ACTN4: variants seen among roughly 807,000 people sequenced by gnomAD.
The protein encoded by ACTN4 is alpha-actinin-4.
In ACTN4, 18 loss-of-function variants were observed where a neutral mutation model predicts 114.2. The observed-to-expected ratio is 0.16, with a 90% CI of 0.11 to 0.23. The LOEUF (loss-of-function observed/expected upper bound fraction) is 0.23, where lower values mean the gene tolerates loss of function less well. Ranked by LOEUF, ACTN4 falls within the 10% of genes least tolerant of loss-of-function variation. The pLI is 1.00. For missense variants in ACTN4, 722 were observed against 1,262.9 expected (o/e 0.57, Z 6.49); for synonymous variants, 515 against 506.3 (o/e 1.02, Z -0.23).
Position 38,731,041 on chromosome 19 carries a change from G to A in ACTN4, c.*1609G>A, listed in dbSNP as rs968530970. On this transcript the variant is annotated 3_prime_UTR_variant, in exon 21 of 21. Coordinates refer to ENST00000252699, the MANE Select transcript of ACTN4 (RefSeq NM_004924.6). Reference sequence around the variant, plus strand: ...GCAGTGGCCTGTGCAGAGAGGGGCAGGGTGAGTGCCCACCAGTCCCCGTAC... The same window carrying A: ...GCAGTGGCCTGTGCAGAGAGGGGCAAGGTGAGTGCCCACCAGTCCCCGTAC... The A allele has an allele frequency of 7.7e-6, 12 of 1,557,380 alleles. No homozygotes were observed. The highest frequency in any genetic ancestry group is 6.8e-5 in the African/African-American group (5 of 73,390).
intron 9 of ACTN4, among the ~76,000 whole-genome samples, chr19:38,716,761 C>T (rs1321629325): frequency 1.3e-5 from 2 of 152,180 alleles, no homozygotes; most frequent in African/African-American, 4.8e-5. Flanking sequence ...GGCTTCAGCC[C>T]GGGAGGTTGC....
intron 1 of ACTN4, among the ~76,000 whole-genome samples, chr19:38,699,423 C>G (rs1968196353): frequency 6.6e-6 from 1 of 152,206 alleles, no homozygotes; most frequent in African/African-American, 2.4e-5. Context: ...CTCCCACTTG[C>G]CTTCCAGCCT....
chr19:38,728,444 C>G (rs1485143064), intron 19 of ACTN4: 13 of 1,087,736 alleles, frequency 1.2e-5, no homozygotes, highest in Non-Finnish European at 1.5e-5. Flanking sequence ...CCTCCTCCTC[C>G]TCCTCCCCCC....
Position 38,730,679 on chromosome 19 carries a change from G to C in ACTN4, c.*1247G>C. On this transcript the variant is annotated 3_prime_UTR_variant, in exon 21 of 21. Transcript: ENST00000252699. ...AAGGGCTGTCGCTGTTCTTGTTTCT[G>C]AGTGAGGAGTACGCAGGCCAGAGTG... The C allele has an allele frequency of 1.4e-6, 1 of 706,868 alleles. No homozygotes were observed. Among genetic ancestry groups the C allele is most frequent in the Non-Finnish European group, 2.4e-6 (1 of 419,620 alleles). The allele number at this position is 706,868 out of a possible 1,614,324, so 43.8% of individuals were successfully genotyped here.
Position 38,730,116 on chromosome 19 carries a change from A to T in ACTN4, c.*684A>T, listed in dbSNP as rs1870921701. The T allele has an allele frequency of 6.8e-6, 1 of 146,842 alleles. No homozygotes were observed. Among genetic ancestry groups the T allele is most frequent in the Admixed American group, 6.8e-5 (1 of 14,778 alleles). 9.1% of individuals were successfully genotyped at this position (146,842 alleles called of 1,614,324 possible). A position where few individuals can be genotyped will look rare whatever the true frequency, so the allele number is the denominator to read the frequency against. On this transcript the variant is annotated 3_prime_UTR_variant, in exon 21 of 21. Coordinates refer to ENST00000252699, the MANE Select transcript of ACTN4 (RefSeq NM_004924.6). ...AAAAAAAAAAAAGGAAAAAAAACACAAAACAACAAAAACCAAAAAAAAAAA... is the reference window on the plus strand; with the variant it reads ...AAAAAAAAAAAAGGAAAAAAAACACTAAACAACAAAAACCAAAAAAAAAAA...
At chr19:38,701,286 T>C (rs1007837889) in intron 3 of ACTN4, among the ~76,000 whole-genome samples, 165 bp downstream of exon 3, 5 of 152,156 alleles carry the variant, frequency 3.3e-5, no homozygotes, top group African/African-American at 9.7e-5. Context: ...GCTCTTGATA[T>C]GATGCTGGGC....
chr19:38,685,925 A>G (rs1967728123), intron 1 of ACTN4, among the ~76,000 whole-genome samples: 1 of 152,234 alleles, frequency 6.6e-6, no homozygotes, highest in African/African-American at 2.4e-5. Flanking sequence ...AGGGCCTCGC[A>G]TATTCACCCT....
chr19:38,691,774 G>T (rs1967938827), intron 1 of ACTN4, among the ~76,000 whole-genome samples: 1 of 151,838 alleles, frequency 6.6e-6, no homozygotes, highest in South Asian at 2.1e-4. Flanking sequence ...GTGATGGTGG[G>T]TGCCTGTAAT....
At chr19:38,694,556 G>A (rs1343523294) in intron 1 of ACTN4, among the ~76,000 whole-genome samples, 4 of 151,894 alleles carry the variant, frequency 2.6e-5, no homozygotes, top group African/African-American at 7.3e-5. Flanking sequence ...CACTGCGCCC[G>A]GCCCTGGCTG....
At chr19:38,651,569 G>A (rs78871891) in intron 1 of ACTN4, among the ~76,000 whole-genome samples, 1,952 of 152,052 alleles carry the variant, frequency 0.013, 28 homozygotes, top group Middle Eastern at 0.017. Context: ...CTAAGTTTTC[G>A]TGTTCATTGA....
Position 38,724,487 on chromosome 19 carries a change from G to A in ACTN4, c.1932G>A (p.Gln644=). The change falls in exon 16 of 21, where the codon CAG becomes CAA. Residue 644 remains glutamine (Q), a synonymous_variant. Transcript: ENST00000252699. The surrounding 1 kb of genome is among the most constrained non-coding windows in gnomAD (Gnocchi z 7.0). The stretch of plus-strand genomic sequence containing the variant: ...CCCTCCTGGAGGAGCAGAGCAAGCA[G>A]CAGTCCAACGAGCACCTGCGCCGCC... ...DHALLEEQSK[Q]QSNEHLRRQF... 1 of 1,613,472 alleles carries A rather than the reference G, an allele frequency of 6.2e-7. No individual in the cohort carries two copies. The highest frequency in any genetic ancestry group is 1.7e-4 in the Middle Eastern group (1 of 6,058).
In ACTN4 at chr19:38,648,690, G is replaced by A. The variant is rs140759409; in HGVS notation, c.162+783G>A. ...GGGTGAGATTTATTTGTGGTGCCCT[G>A]TTCCAAAGGGGAGAAGATTAAGAGA... is the stretch of plus-strand genomic sequence containing the variant. On this transcript the variant is annotated intron_variant, in intron 1 of 20. Transcript: ENST00000252699. 5.3e-3 allele frequency among the ~76,000 whole-genome samples: 812 copies of A among 152,016 alleles called. 5 individuals are homozygous for A. Among genetic ancestry groups the A allele is most frequent in the African/African-American group, 0.019 (774 of 41,416 alleles).
chr19:38,724,452 C>A lies in ACTN4; in HGVS notation c.1897C>A (p.Arg633=). Reference sequence around the variant, plus strand: ...CCAGGTGCAGCAGCTGGTGCCAAAACGGGACCATGCCCTCCTGGAGGAGCA... The same window carrying A: ...CCAGGTGCAGCAGCTGGTGCCAAAAAGGGACCATGCCCTCCTGGAGGAGCA... ...WEKVQQLVPK[R]DHALLEEQSK... is the part of the protein sequence containing the mutation. The change falls in exon 16 of 21, where the codon CGG becomes AGG. Residue 633 remains arginine, a synonymous_variant. Transcript: ENST00000252699. The surrounding 1 kb of genome is among the most constrained non-coding windows in gnomAD (Gnocchi z 7.0). The A allele has an allele frequency of 6.2e-7, 1 of 1,613,486 alleles. No homozygotes were observed. Among genetic ancestry groups the A allele is most frequent in the Non-Finnish European group, 8.5e-7 (1 of 1,179,970 alleles).
chr19:38,719,270 ACAGTCTCCCTGGCC>A, intron 11 of ACTN4, among the ~76,000 whole-genome samples: 1 of 152,178 alleles, frequency 6.6e-6, no homozygotes, highest in African/African-American at 2.4e-5. Context: ...CCTTCCCAAC[ACAGTCTCCCTGGCC>A]CTCCGGCCGC....
At chr19:38,721,393 C>G in intron 11 of ACTN4, 145 bp from the exon 12 acceptor site, 1 of 997,528 alleles carries the variant, frequency 1.0e-6, no homozygotes, top group Non-Finnish European at 1.5e-6. Context: ...GAAGAAGATT[C>G]TGGAAGTTTC....
chr19:38,711,452 C>A, intron 8 of ACTN4: 3 of 653,378 alleles, frequency 4.6e-6, no homozygotes, highest in Non-Finnish European at 5.7e-6. Context: ...GTGGTTGGAG[C>A]CCTGGCCAGG....
Position 38,727,633 on chromosome 19 carries a change from C to CG in ACTN4, c.2338-313_2338-312insG, listed in dbSNP as rs1969283543. 1.4e-5 allele frequency among the ~76,000 whole-genome samples: 2 copies of CG among 139,800 alleles called. No individual in the cohort carries two copies. Among genetic ancestry groups the CG allele is most frequent in the Admixed American group, 1.4e-4 (2 of 13,996 alleles). The allele number at this position is 139,800 out of a possible 152,430, so 91.7% of individuals were successfully genotyped here. Reference sequence around the variant, plus strand: ...AATCCCAAAGGCAAGGAGAACCCCCCCCCCGACCCTCCACCAGTCCTGGGA... The same window carrying CG: ...AATCCCAAAGGCAAGGAGAACCCCCCGCCCCGACCCTCCACCAGTCCTGGGA... On this transcript the variant is annotated intron_variant, in intron 18 of 20. Transcript: ENST00000252699. This position sits in a 1 kb window ranked among gnomAD's most constrained non-coding sequence, Gnocchi z 5.4.
chr19:38,684,275 G>A (rs987565097), intron 1 of ACTN4, among the ~76,000 whole-genome samples: 2 of 152,148 alleles, frequency 1.3e-5, no homozygotes, highest in Non-Finnish European at 2.9e-5. Flanking sequence ...TGCTGTTGTT[G>A]GTTCAGGCTC....
At chr19:38,700,877 G>A in intron 2 of ACTN4, 125 bp from the exon 3 acceptor site, 1 of 1,459,876 alleles carries the variant, frequency 6.8e-7, no homozygotes, top group Non-Finnish European at 9.4e-7. Flanking sequence ...AGAGTGGCCT[G>A]GTGGGCCAGC....
Sources: allele counts gnomAD v4.1 joint callset (sites outside exome capture counted in the v4.1 genomes callset), GRCh38; gene constraint gnomAD v4.1.1; non-coding constraint Gnocchi (gnomAD v3.1); transcripts MANE v1.5; gene names NCBI Gene and HGNC (gene_info 2026-07-23, HGNC 2026-07-21).